The following SLC4A4 variants were observed in gnomAD, a reference collection of about 807,000 sequenced individuals.
SLC4A4 encodes the protein solute carrier family 4 member 4.
Under a neutral mutation model 111.5 loss-of-function variants are expected in SLC4A4, and 27 were observed. The observed-to-expected ratio is 0.24, with a 90% CI of 0.18 to 0.33. SLC4A4 has a LOEUF of 0.33. Ranked by LOEUF, SLC4A4 falls within the 10% of genes least tolerant of loss-of-function variation. The probability of loss-of-function intolerance (pLI) is 1.00; values close to 1 mark genes in which losing one functional copy is unlikely to be tolerated. For synonymous variants in SLC4A4, 443 were observed against 463.4 expected, an observed-to-expected ratio of 0.96 and a Z score of 0.57; for missense variants, 909 against 1,315.5, an observed-to-expected ratio of 0.69 and a Z score of 4.78.
chr4:71,350,941 G>C (rs900487100), intron 5 of SLC4A4, among the ~76,000 whole-genome samples: 2 of 152,176 alleles, frequency 1.3e-5, no homozygotes, highest in African/African-American at 4.8e-5. Flanking sequence ...AAGAAGTGGA[G>C]CCCCTGCACT....
chr4:71,179,572 G>A (rs970310992), intron 2 of SLC4A4, among the ~76,000 whole-genome samples: 11 of 151,952 alleles, frequency 7.2e-5, no homozygotes, highest in Admixed American at 3.9e-4. Flanking sequence ...CAGACAGAGA[G>A]CCAAATCATG....
chr4:71,280,029 G>T (rs558104716), intron 3 of SLC4A4, among the ~76,000 whole-genome samples: 10 of 152,160 alleles, frequency 6.6e-5, no homozygotes, highest in Non-Finnish European at 1.5e-4. Flanking sequence ...CCTCACCTCA[G>T]GTGATCTGCC....
intron 13 of SLC4A4, among the ~76,000 whole-genome samples, chr4:71,466,937 G>GAGAGAGAT (rs1727386483): frequency 9.0e-6 from 1 of 111,638 alleles, no homozygotes; most frequent in East Asian, 4.9e-4. Context: ...CGGGAAGAGA[G>GAGAGAGAT]AGAGAGAGAG....
At chr4:71,549,601 T>C (rs1468749912) in intron 20 of SLC4A4, among the ~76,000 whole-genome samples, 1 of 151,932 alleles carries the variant, frequency 6.6e-6, no homozygotes, top group African/African-American at 2.4e-5. Context: ...TAATACAGTA[T>C]AAAATCCTAA....
At chr4:71,383,553 G>T (rs1718367221) in intron 6 of SLC4A4, among the ~76,000 whole-genome samples, 1 of 152,178 alleles carries the variant, frequency 6.6e-6, no homozygotes, top group Non-Finnish European at 1.5e-5. Flanking sequence ...TACAAATGGT[G>T]AGTATATGGG....
chr4:71,197,147 G>C (rs936923953), intron 1 of SLC4A4, among the ~76,000 whole-genome samples: 6 of 151,840 alleles, frequency 4.0e-5, no homozygotes, highest in African/African-American at 1.5e-4. Context: ...CCTGGTAGGT[G>C]GGGGTTGCAG....
intron 10 of SLC4A4, among the ~76,000 whole-genome samples, chr4:71,450,785 A>T (rs1331265904): frequency 6.6e-6 from 1 of 152,216 alleles, no homozygotes; most frequent in Non-Finnish European, 1.5e-5. Context: ...TCAGATTACT[A>T]CATGGGAATG....
At chr4:71,167,450 T>C (rs971496791) in intron 2 of SLC4A4, among the ~76,000 whole-genome samples, 10 of 152,292 alleles carry the variant, frequency 6.6e-5, no homozygotes, top group African/African-American at 2.2e-4. Flanking sequence ...AGAATTAGAC[T>C]CTGCCTTTTG....
At chr4:71,395,911 T>C (rs1212580371) in intron 6 of SLC4A4, among the ~76,000 whole-genome samples, 1 of 152,212 alleles carries the variant, frequency 6.6e-6, no homozygotes, top group African/African-American at 2.4e-5. Context: ...ATTGTATAAT[T>C]CAGATTTATT....
chr4:71,460,505 C>G (rs991874935), intron 12 of SLC4A4, among the ~76,000 whole-genome samples: 3 of 152,144 alleles, frequency 2.0e-5, no homozygotes, highest in African/African-American at 7.2e-5. Context: ...AGTCTTGCCT[C>G]TTTTTCATTT....
chr4:71,209,861 A>T (rs1428260593), intron 1 of SLC4A4, among the ~76,000 whole-genome samples: 2 of 152,206 alleles, frequency 1.3e-5, no homozygotes, highest in Non-Finnish European at 2.9e-5. Context: ...AGGAGATTTT[A>T]GCACTGTATT....
At chr4:71,404,153 A>T (rs1247245668) in intron 7 of SLC4A4, among the ~76,000 whole-genome samples, 2 of 152,168 alleles carry the variant, frequency 1.3e-5, no homozygotes, top group African/African-American at 4.8e-5. Flanking sequence ...GAATAGTGAG[A>T]TTGAATTTTT....
At chr4:71,484,590 G>A (rs938123084) in intron 14 of SLC4A4, among the ~76,000 whole-genome samples, 2 of 151,814 alleles carry the variant, frequency 1.3e-5, no homozygotes, top group African/African-American at 4.8e-5. Context: ...ATAGTTTGAA[G>A]TTGGGTAACA....
At chr4:71,190,371 T>C (rs1278898702) in intron 1 of SLC4A4, among the ~76,000 whole-genome samples, 2 of 142,042 alleles carry the variant, frequency 1.4e-5, no homozygotes, top group East Asian at 4.1e-4. Context: ...TACTCAGTTC[T>C]GTCTATGTAT....
In SLC4A4 at chr4:71,466,446, C is replaced by T. The variant is rs373128647; in HGVS notation, c.1500C>T (p.Gly500=). ...LLGDATDNMQ[G]VLESFLGTAV... ...CATCTATATTTTCTTTATTTTAGGG[C>T]GTGTTGGAGAGTTTCCTGGGCACTG... The change falls in exon 13 of 26, where the codon GGC becomes GGT. Residue 500 remains glycine (G), a splice_region_variant and synonymous_variant. Coordinates refer to ENST00000264485, the MANE Select transcript of SLC4A4 (RefSeq NM_001098484.3). 2.0e-5 allele frequency: 33 copies of T among 1,613,326 alleles called. No individual in the cohort carries two copies. Among genetic ancestry groups the T allele is most frequent in the Middle Eastern group, 1.7e-4 (1 of 6,050 alleles).
At position 71,354,321 on chromosome 4, in the gene SLC4A4, C is replaced by T. The variant is rs568957805; in HGVS notation, c.551-2687C>T. On this transcript the variant is annotated intron_variant, in intron 5 of 25. Transcript: ENST00000264485. ...TGTGCATGTTGGCAGATGTATTGGT[C>T]CTATTGTTTCTTACTTTTTATAACT... Among the ~76,000 whole-genome samples the T allele has an allele frequency of 4.6e-5, 7 of 152,210 alleles. No homozygotes were observed. In the South Asian group the frequency reaches 1.4e-3, roughly 32 times the overall value.
At chr4:71,245,617 A>G (rs1047892536) in intron 2 of SLC4A4, among the ~76,000 whole-genome samples, 1 of 152,020 alleles carries the variant, frequency 6.6e-6, no homozygotes, top group African/African-American at 2.4e-5. Flanking sequence ...TTTTGTATAT[A>G]TTGAATTTGA....
At chr4:71,485,741 T>G (rs1729317504) in intron 14 of SLC4A4, among the ~76,000 whole-genome samples, 1 of 95,168 alleles carries the variant, frequency 1.1e-5, no homozygotes, top group African/African-American at 2.7e-5. Context: ...TTAGTTGTTT[T>G]TCTTGTTTTT....
At chr4:71,246,195 A>G (rs1030653786) in intron 2 of SLC4A4, among the ~76,000 whole-genome samples, 9 of 152,202 alleles carry the variant, frequency 5.9e-5, no homozygotes, top group Non-Finnish European at 5.9e-5. Context: ...ATTATTATAG[A>G]TGTTTTAGAA....
Sources: gnomAD v4.1 joint callset for allele counts (sites outside exome capture counted in the v4.1 genomes callset) on GRCh38, gnomAD v4.1.1 for gene constraint, MANE v1.5 for transcripts, NCBI Gene and HGNC (gene_info 2026-07-23, HGNC 2026-07-21) for gene names.